Variants in LAMA2 observed in about 807,000 individuals in gnomAD.
The protein encoded by LAMA2 is laminin subunit alpha 2.
In LAMA2, 269 loss-of-function variants were observed where a neutral mutation model predicts 364.8. The observed-to-expected ratio is 0.74, with a 90% CI of 0.67 to 0.82. LAMA2 has a LOEUF of 0.82. Ranked by LOEUF, LAMA2 falls within the 40% of genes least tolerant of loss-of-function variation. The pLI, the probability that LAMA2 is intolerant of heterozygous loss-of-function variation, is 0.00. For synonymous variants in LAMA2, 1,379 were observed against 1,370.6 expected (o/e 1.01, Z -0.14); for missense variants, 3,807 against 3,873.2 (o/e 0.98, Z 0.45).
chr6:128,903,426 C>A (rs1267286118), intron 1 of LAMA2, among the ~76,000 whole-genome samples: 1 of 152,144 alleles, frequency 6.6e-6, no homozygotes, highest in African/African-American at 2.4e-5. Flanking sequence ...CATTGATTTA[C>A]ATGGTTGTAT....
At chr6:129,498,692 A>G (rs1464299841) in intron 58 of LAMA2, among the ~76,000 whole-genome samples, 1 of 152,226 alleles carries the variant, frequency 6.6e-6, no homozygotes, top group Non-Finnish European at 1.5e-5. Context: ...GACTCATGAA[A>G]GAAGAAAATT....
At chr6:129,204,771 A>G (rs981469155) in intron 12 of LAMA2, among the ~76,000 whole-genome samples, 2 of 152,272 alleles carry the variant, frequency 1.3e-5, no homozygotes, top group African/African-American at 2.4e-5. Flanking sequence ...CATAATTTTC[A>G]TTCTTGTTAT....
intron 3 of LAMA2, among the ~76,000 whole-genome samples, chr6:129,095,336 A>G (rs1474450321): frequency 2.0e-5 from 3 of 152,240 alleles, no homozygotes; most frequent in Non-Finnish European, 4.4e-5. Context: ...CATATACAAA[A>G]TATAGTAATT....
At chr6:128,933,560 TTC>T (rs1779626821) in intron 1 of LAMA2, among the ~76,000 whole-genome samples, 1 of 152,198 alleles carries the variant, frequency 6.6e-6, no homozygotes, top group Non-Finnish European at 1.5e-5. Context: ...GGGTTTCTTT[TTC>T]TCTGTTTCCT....
chr6:129,254,916 A>C (rs1197896765), intron 14 of LAMA2, among the ~76,000 whole-genome samples: 1 of 152,206 alleles, frequency 6.6e-6, no homozygotes, highest in East Asian at 1.9e-4. Flanking sequence ...TACAGTAGAC[A>C]TTAGTAGAGT....
At chr6:128,968,505 G>C (rs900492367) in intron 1 of LAMA2, among the ~76,000 whole-genome samples, 1 of 152,166 alleles carries the variant, frequency 6.6e-6, no homozygotes, top group Non-Finnish European at 1.5e-5. Context: ...AATGAAAACA[G>C]GTGTTGGAAT....
chr6:129,146,688 A>G (rs1254396822), intron 5 of LAMA2, among the ~76,000 whole-genome samples: 1 of 151,984 alleles, frequency 6.6e-6, no homozygotes, highest in Non-Finnish European at 1.5e-5. Flanking sequence ...AGCCACAGGT[A>G]CTCTAGCATG....
intron 4 of LAMA2, among the ~76,000 whole-genome samples, chr6:129,139,571 C>G (rs1431163960): frequency 6.6e-6 from 1 of 152,078 alleles, no homozygotes; most frequent in Admixed American, 6.6e-5. Context: ...ATTTTGATAT[C>G]CACAGGAGGT....
intron 1 of LAMA2, among the ~76,000 whole-genome samples, chr6:128,895,772 C>T (rs1776736283): frequency 6.6e-6 from 1 of 152,152 alleles, no homozygotes; most frequent in African/African-American, 2.4e-5. Context: ...TTGTTCTTTT[C>T]ATAGAAAGAA....
In LAMA2 at chr6:129,014,316, C is replaced by T. The variant is rs193028945; in HGVS notation, c.113-35602C>T. Among the ~76,000 whole-genome samples, 4 of 152,270 alleles carry T rather than the reference C, an allele frequency of 2.6e-5. No individual in the cohort carries two copies. In the East Asian group the frequency reaches 7.7e-4, roughly 29 times the overall value. On this transcript the variant is annotated intron_variant, in intron 1 of 64. Coordinates refer to ENST00000421865, the MANE Select transcript of LAMA2 (RefSeq NM_000426.4). ...TTTTACACTGGCCTGGAAAAGCTGG[C>T]AAAACCTAGAACTGCATTTGTCCCC... is the stretch of plus-strand genomic sequence containing the variant.
At chr6:129,427,904 T>C in intron 41 of LAMA2, 50 bp downstream of exon 41, 1 of 1,084,570 alleles carries the variant, frequency 9.2e-7, no homozygotes. Context: ...GGGTTGTTAC[T>C]GATAAGATAT....
chr6:128,992,140 T>C lies in LAMA2; in HGVS notation c.113-57778T>C, dbSNP rs533812398. ...AGACATTTGTGAGGAATCTCATAGG[T>C]GTGTAATATGGTTTGAAATTTGTGA... is the stretch of plus-strand genomic sequence containing the variant. On this transcript the variant is annotated intron_variant, in intron 1 of 64. Transcript: ENST00000421865. Among the ~76,000 whole-genome samples the C allele has an allele frequency of 5.3e-5, 8 of 152,296 alleles. No homozygotes were observed. In the South Asian group the frequency reaches 1.7e-3, roughly 32 times the overall value.
At chr6:129,092,292 C>T (rs954684347) in intron 3 of LAMA2, among the ~76,000 whole-genome samples, 14 of 152,026 alleles carry the variant, frequency 9.2e-5, no homozygotes, top group African/African-American at 3.1e-4. Flanking sequence ...ATTGTATTGG[C>T]TATATGTATC....
chr6:129,504,416 T>A lies in LAMA2; in HGVS notation c.8548-784T>A, dbSNP rs555624683. ...AACGGATTTTATTTTTGATGGTTTT[T>A]AAAAATTACTTCCCAAACCAGAATA... On this transcript the variant is annotated intron_variant, in intron 60 of 64. Transcript: ENST00000421865. 5.3e-5 allele frequency among the ~76,000 whole-genome samples: 8 copies of A among 152,342 alleles called. No individual in the cohort carries two copies. In the South Asian group the frequency reaches 1.0e-3, roughly 20 times the overall value.
intron 13 of LAMA2, among the ~76,000 whole-genome samples, chr6:129,251,113 A>G (rs1786207676): frequency 7.4e-6 from 1 of 134,422 alleles, no homozygotes; most frequent in African/African-American, 2.9e-5. Context: ...TATGGCAACT[A>G]GATGTATACT....
chr6:129,084,092 A>C (rs1443726784), intron 3 of LAMA2, among the ~76,000 whole-genome samples: 1 of 152,204 alleles, frequency 6.6e-6, no homozygotes, highest in Non-Finnish European at 1.5e-5. Flanking sequence ...TTAGTGAACA[A>C]GTTAATATGT....
At chr6:129,123,900 AAAT>A (rs1221497895) in intron 4 of LAMA2, among the ~76,000 whole-genome samples, 4 of 152,152 alleles carry the variant, frequency 2.6e-5, no homozygotes, top group African/African-American at 2.4e-5. Flanking sequence ...TCTTATCACA[AAAT>A]AATAATAATA....
At chr6:129,323,359 C>T (rs537468006) in intron 28 of LAMA2, among the ~76,000 whole-genome samples, 1 of 152,184 alleles carries the variant, frequency 6.6e-6, no homozygotes, top group East Asian at 1.9e-4. Context: ...ATGTTTTTAT[C>T]CACAATATGG....
intron 61 of LAMA2, among the ~76,000 whole-genome samples, 171 bp from the exon 62 acceptor site, chr6:129,507,318 C>T (rs566093414): frequency 1.5e-4 from 23 of 152,146 alleles, no homozygotes; most frequent in Non-Finnish European, 3.4e-4. Context: ...TTTCTGCATC[C>T]ATGCCAGGAG....
Sources: gnomAD v4.1 joint callset for allele counts (sites outside exome capture counted in the v4.1 genomes callset) on GRCh38, gnomAD v4.1.1 for gene constraint, MANE v1.5 for transcripts, NCBI Gene and HGNC (gene_info 2026-07-23, HGNC 2026-07-21) for gene names.